UBR2: variants seen among roughly 807,000 people sequenced by gnomAD.
UBR2 encodes E3 ubiquitin-protein ligase UBR2.
In UBR2, 92 loss-of-function variants were observed where a neutral mutation model predicts 247.9. The observed-to-expected ratio is 0.37, with a 90% CI of 0.31 to 0.44. UBR2 has a LOEUF of 0.44. Among genes scored for constraint, UBR2 ranks in the 20% least tolerant of loss-of-function variants. UBR2 has a pLI of 1.00. For missense variants in UBR2, 1,613 were observed against 2,112.6 expected (o/e 0.76, Z 4.64); for synonymous variants, 672 against 693.5 (o/e 0.97, Z 0.49).
intron 44 of UBR2, among the ~76,000 whole-genome samples, chr6:42,685,861 C>T (rs919414847): frequency 2.0e-4 from 30 of 151,344 alleles, no homozygotes; most frequent in Admixed American, 1.8e-3. Context: ...TGGGTGACAG[C>T]GAGACCTTGT....
chr6:42,658,521 T>C, intron 28 of UBR2, 125 bp from the exon 29 acceptor site: 7 of 1,171,000 alleles, frequency 6.0e-6, no homozygotes, highest in Non-Finnish European at 8.2e-6. Context: ...GTCTTTTCTC[T>C]TATTTAAATA....
intron 2 of UBR2, among the ~76,000 whole-genome samples, chr6:42,584,841 T>G (rs948866384): frequency 6.6e-6 from 1 of 151,854 alleles, no homozygotes; most frequent in Non-Finnish European, 1.5e-5. Context: ...GATATTAACT[T>G]TTACCCTGTG....
chr6:42,658,826 TAAAAAAA>T lies in UBR2; in HGVS notation c.3242+16_3242+22del. On this transcript the variant is annotated splice_donor_5th_base_variant and intron_variant, in intron 29 of 46. Coordinates refer to ENST00000372901, the MANE Select transcript of UBR2 (RefSeq NM_001363705.2). ...AACCTCTGCTGTTCTTGATCATAGG[TAAAAAAA>T]AAAAAAAAAAAAATTAATGTCTTGA... The T allele has an allele frequency of 8.4e-6, 11 of 1,309,234 alleles. No individual in the cohort carries two copies. The highest frequency in any genetic ancestry group is 3.3e-5 in the African/African-American group (2 of 60,898). The allele number at this position is 1,309,234 out of a possible 1,614,324, so 81.1% of individuals were successfully genotyped here.
At chr6:42,572,715 CTTT>C (rs113520755) in intron 1 of UBR2, among the ~76,000 whole-genome samples, 1 of 142,272 alleles carries the variant, frequency 7.0e-6, no homozygotes, top group Non-Finnish European at 1.6e-5. Context: ...AGAAGTGAGT[CTTT>C]TTTTTTTTTT....
intron 16 of UBR2, among the ~76,000 whole-genome samples, chr6:42,640,670 A>G (rs890537002): frequency 3.9e-5 from 6 of 152,008 alleles, no homozygotes; most frequent in Non-Finnish European, 8.8e-5. Flanking sequence ...CTTCAACTGA[A>G]CTGATGAAGC....
At position 42,663,001 on chromosome 6, in the gene UBR2, A is replaced by G. The variant is rs776027698; in HGVS notation, c.3537-257A>G. Among the ~76,000 whole-genome samples, 15 of 152,090 alleles carry G rather than the reference A, an allele frequency of 9.9e-5. No individual in the cohort carries two copies. In the Middle Eastern group the frequency reaches 0.01, roughly 103 times the overall value. On this transcript the variant is annotated intron_variant, in intron 31 of 46. Transcript: ENST00000372901. ...GCCTTGGGGAAGTGGCAAGAGAACAATGACACCAAGAAATTTTTGTTGCTG... is the reference window on the plus strand; with the variant it reads ...GCCTTGGGGAAGTGGCAAGAGAACAGTGACACCAAGAAATTTTTGTTGCTG...
Position 42,678,583 on chromosome 6 carries a change from T to A in UBR2, c.4523T>A (p.Val1508Asp). Residue 1508 changes from valine to aspartate, a missense_variant, in exon 41 of 47, where the codon GTC (valine) becomes GAC (aspartate). Transcript: ENST00000372901. Reference sequence around the variant, plus strand: ...TCCGGCTGGCATCTGTGGAGGAGTGTCAGAGCTGGAATCATGCCTTTCCTG... The same window carrying A: ...TCCGGCTGGCATCTGTGGAGGAGTGACAGAGCTGGAATCATGCCTTTCCTG... ...IPSGWHLWRS[V>D]RAGIMPFLKC... 6.2e-7 allele frequency: 1 copy of A among 1,613,998 alleles called. No homozygotes were observed. The highest frequency in any genetic ancestry group is 8.5e-7 in the Non-Finnish European group (1 of 1,179,962).
chr6:42,575,595 A>G (rs1791454003), intron 2 of UBR2, among the ~76,000 whole-genome samples: 1 of 152,164 alleles, frequency 6.6e-6, no homozygotes, highest in Non-Finnish European at 1.5e-5. Flanking sequence ...ATTACAGACC[A>G]GTTATTTTGT....
At chr6:42,599,753 G>A (rs184374855) in intron 4 of UBR2, among the ~76,000 whole-genome samples, 7 of 152,018 alleles carry the variant, frequency 4.6e-5, no homozygotes, top group Admixed American at 2.0e-4. Flanking sequence ...GGACTCAAGC[G>A]ATTTCTCCCC....
chr6:42,671,234 C>T (rs965035314), intron 36 of UBR2, among the ~76,000 whole-genome samples: 5 of 149,892 alleles, frequency 3.3e-5, no homozygotes, highest in Non-Finnish European at 7.4e-5. Context: ...AGTGAGACCT[C>T]ATCTCTACAC....
intron 34 of UBR2, among the ~76,000 whole-genome samples, chr6:42,669,447 GT>G (rs1324791017): frequency 6.6e-6 from 1 of 152,014 alleles, no homozygotes; most frequent in Admixed American, 6.6e-5. Context: ...AGGTAGTTCT[GT>G]TAGCTCACTG....
chr6:42,594,592 T>C (rs1234858060), intron 4 of UBR2, among the ~76,000 whole-genome samples: 1 of 152,196 alleles, frequency 6.6e-6, no homozygotes, highest in Non-Finnish European at 1.5e-5. Context: ...GGATTATTTT[T>C]CCCATATGTG....
At chr6:42,682,923 G>A in intron 42 of UBR2, 132 bp from the exon 43 acceptor site, 1 of 709,460 alleles carries the variant, frequency 1.4e-6, no homozygotes, top group Non-Finnish European at 2.3e-6. Flanking sequence ...TATTTCTACA[G>A]GTTTCTTTTG....
intron 4 of UBR2, among the ~76,000 whole-genome samples, chr6:42,597,330 C>T (rs1221871746): frequency 6.6e-6 from 1 of 152,092 alleles, no homozygotes; most frequent in South Asian, 2.1e-4. Context: ...GGCGCGGTGA[C>T]TCATGCTGTA....
chr6:42,620,865 C>T (rs1451636905), intron 11 of UBR2, among the ~76,000 whole-genome samples: 4 of 151,966 alleles, frequency 2.6e-5, no homozygotes, highest in Admixed American at 6.5e-5. Flanking sequence ...AGTGCAGTGG[C>T]GTGATCTCCA....
At chr6:42,586,359 CAACA>C (rs1203796512) in intron 2 of UBR2, among the ~76,000 whole-genome samples, 1 of 152,096 alleles carries the variant, frequency 6.6e-6, no homozygotes, top group Non-Finnish European at 1.5e-5. Context: ...GACCTTGTCT[CAACA>C]AACAAAACTT....
chr6:42,574,696 C>CTTT (rs11305288), intron 2 of UBR2, among the ~76,000 whole-genome samples: 7 of 135,946 alleles, frequency 5.1e-5, no homozygotes, highest in Non-Finnish European at 9.5e-5. Flanking sequence ...AGAAATTTTC[C>CTTT]TTTTTTTTTT....
At chr6:42,642,316 A>G (rs1796496310) in intron 17 of UBR2, 100 bp from the exon 18 acceptor site, 1 of 752,712 alleles carries the variant, frequency 1.3e-6, no homozygotes, top group African/African-American at 1.8e-5. Context: ...CATCACACAC[A>G]TGCACACATT....
chr6:42,689,722 A>G lies in UBR2; in HGVS notation c.5126+52A>G. ...CTCAGGGCCTGCAGCGCCCTTCCGT[A>G]TGTGGTGACGTCCTGAGGGTGGAGG... On this transcript the variant is annotated intron_variant, in intron 46 of 46. Coordinates refer to ENST00000372901, the MANE Select transcript of UBR2 (RefSeq NM_001363705.2). The surrounding 1 kb of genome is among the most constrained non-coding windows in gnomAD (Gnocchi z 4.0). 6.6e-7 allele frequency: 1 copy of G among 1,508,132 alleles called. No homozygotes were observed. The highest frequency in any genetic ancestry group is 9.2e-7 in the Non-Finnish European group (1 of 1,084,498). The allele number at this position is 1,508,132 out of a possible 1,614,324, so 93.4% of individuals were successfully genotyped here.
Sources: gnomAD v4.1 joint callset for allele counts (sites outside exome capture counted in the v4.1 genomes callset) on GRCh38, gnomAD v4.1.1 for gene constraint, Gnocchi (gnomAD v3.1) non-coding constraint, MANE v1.5 for transcripts, NCBI Gene and HGNC (gene_info 2026-07-23, HGNC 2026-07-21) for gene names.